The following RABGAP1L variants were observed in gnomAD, a reference collection of about 807,000 sequenced individuals.
The protein encoded by RABGAP1L is rab GTPase-activating protein 1-like.
A neutral mutation model predicts 137.7 loss-of-function variants in RABGAP1L; 63 were observed. That is an observed-to-expected ratio of 0.46 (90% CI 0.37 to 0.56). The LOEUF is 0.56. Ranked by LOEUF, RABGAP1L falls within the 20% of genes least tolerant of loss-of-function variation. RABGAP1L has a pLI of 0.00. For missense variants in RABGAP1L, 1,095 were observed against 1,244.0 expected, an observed-to-expected ratio of 0.88 and a Z score of 1.80; for synonymous variants, 431 against 433.7, an observed-to-expected ratio of 0.99 and a Z score of 0.08.
At chr1:174,614,429 C>G (rs139787392) in intron 13 of RABGAP1L, among the ~76,000 whole-genome samples, 138 of 152,276 alleles carry the variant, frequency 9.1e-4, no homozygotes, top group African/African-American at 2.6e-3. Flanking sequence ...GGCTTGTAGA[C>G]TTTCTGCCGA....
At chr1:174,262,548 C>T (rs1301710099) in intron 7 of RABGAP1L, among the ~76,000 whole-genome samples, 1 of 152,162 alleles carries the variant, frequency 6.6e-6, no homozygotes, top group Non-Finnish European at 1.5e-5. Context: ...CCTATGGTAA[C>T]ATCTTACATA....
intron 13 of RABGAP1L, among the ~76,000 whole-genome samples, chr1:174,528,733 T>C (rs1259582139): frequency 2.6e-5 from 4 of 152,030 alleles, no homozygotes; most frequent in Non-Finnish European, 5.9e-5. Flanking sequence ...GAGAGTCTCC[T>C]GTATCTGGAT....
At chr1:174,750,183 A>G (rs1045306732) in intron 17 of RABGAP1L, among the ~76,000 whole-genome samples, 2 of 152,172 alleles carry the variant, frequency 1.3e-5, no homozygotes, top group African/African-American at 4.8e-5. Context: ...GCTATCTGCT[A>G]TGTGATGCTA....
chr1:174,622,088 G>C (rs373930414), intron 13 of RABGAP1L, among the ~76,000 whole-genome samples: 3 of 152,008 alleles, frequency 2.0e-5, no homozygotes, highest in Non-Finnish European at 2.9e-5. Context: ...ATGCAGCCAA[G>C]AGACACATGA....
intron 1 of RABGAP1L, among the ~76,000 whole-genome samples, chr1:174,162,111 T>C (rs1366458580): frequency 6.6e-6 from 1 of 152,134 alleles, no homozygotes; most frequent in African/African-American, 2.4e-5. Flanking sequence ...AGAATTTTTG[T>C]TTCTTTGATA....
Position 174,933,036 on chromosome 1 carries a change from A to T in RABGAP1L, c.2341-24421A>T, listed in dbSNP as rs552790819. 5.3e-5 allele frequency among the ~76,000 whole-genome samples: 8 copies of T among 152,268 alleles called. No individual in the cohort carries two copies. In the South Asian group the frequency reaches 1.5e-3, roughly 28 times the overall value. ...TTTCTGGATATGTATTGTTGCTTCT[A>T]TATCTTCTCAGCAGACAGAACTAGG... On this transcript the variant is annotated intron_variant, in intron 19 of 25. Transcript: ENST00000681986.
Position 174,739,793 on chromosome 1 carries a change from A to G in RABGAP1L, c.2170-12520A>G, listed in dbSNP as rs535750543. Among the ~76,000 whole-genome samples, 27 of 152,360 alleles carry G rather than the reference A, an allele frequency of 1.8e-4. No homozygotes were observed. The South Asian group carries it at 5.2e-3, about 29-fold the overall frequency. On this transcript the variant is annotated intron_variant, in intron 17 of 25. Coordinates refer to ENST00000681986, the MANE Select transcript of RABGAP1L (RefSeq NM_001366446.1). Reference sequence around the variant, plus strand: ...AAATGGAGGTAATTAATAATGGCCTATATGCCGGATTAATATTTTTACAGT... The same window carrying G: ...AAATGGAGGTAATTAATAATGGCCTGTATGCCGGATTAATATTTTTACAGT...
chr1:174,368,904 T>A (rs1177069958), intron 11 of RABGAP1L, among the ~76,000 whole-genome samples: 1 of 152,210 alleles, frequency 6.6e-6, no homozygotes, highest in Non-Finnish European at 1.5e-5. Flanking sequence ...TTTATTATAA[T>A]CAAGATTTAT....
chr1:174,546,506 C>A (rs747451012), intron 13 of RABGAP1L, among the ~76,000 whole-genome samples: 10 of 152,144 alleles, frequency 6.6e-5, no homozygotes, highest in Non-Finnish European at 1.2e-4. Flanking sequence ...TTAGATAACA[C>A]CCAGTTCTGT....
At chr1:174,306,342 T>C (rs1220048872) in intron 11 of RABGAP1L, among the ~76,000 whole-genome samples, 1 of 152,226 alleles carries the variant, frequency 6.6e-6, no homozygotes, top group Non-Finnish European at 1.5e-5. Context: ...ATCACCACAC[T>C]GTCTTCCACA....
intron 11 of RABGAP1L, among the ~76,000 whole-genome samples, chr1:174,333,248 G>A (rs73038639): frequency 6.6e-6 from 1 of 152,088 alleles, no homozygotes; most frequent in Non-Finnish European, 1.5e-5. Context: ...CTGCTACTCC[G>A]TTTTACAGTG....
At chr1:174,598,461 G>C (rs945905578) in intron 13 of RABGAP1L, among the ~76,000 whole-genome samples, 8 of 151,762 alleles carry the variant, frequency 5.3e-5, no homozygotes, top group African/African-American at 1.9e-4. Context: ...TTTTTTTGTT[G>C]ATTTTTCAGT....
At chr1:174,669,692 C>T (rs932478695) in intron 14 of RABGAP1L, among the ~76,000 whole-genome samples, 1 of 152,188 alleles carries the variant, frequency 6.6e-6, no homozygotes, top group Non-Finnish European at 1.5e-5. Flanking sequence ...TATTATTCTG[C>T]ATGTGGATAT....
At chr1:174,178,729 G>T (rs1666100532) in intron 1 of RABGAP1L, among the ~76,000 whole-genome samples, 1 of 152,088 alleles carries the variant, frequency 6.6e-6, no homozygotes, top group Admixed American at 6.6e-5. Flanking sequence ...AACTAACAAA[G>T]GAACAGAAAA....
chr1:174,287,180 C>G (rs1016844025), intron 10 of RABGAP1L, among the ~76,000 whole-genome samples: 8 of 152,064 alleles, frequency 5.3e-5, no homozygotes, highest in African/African-American at 1.9e-4. Flanking sequence ...TTGCAGTTCT[C>G]TTAATACTTG....
chr1:174,355,556 A>G (rs1683560218), intron 11 of RABGAP1L, among the ~76,000 whole-genome samples: 1 of 151,964 alleles, frequency 6.6e-6, no homozygotes, highest in South Asian at 2.1e-4. Context: ...TGGCACATGT[A>G]TACATATGTA....
At chr1:174,216,202 A>C (rs550338625) in intron 1 of RABGAP1L, among the ~76,000 whole-genome samples, 1 of 152,288 alleles carries the variant, frequency 6.6e-6, no homozygotes, top group South Asian at 2.1e-4. Context: ...AGGTATGAAA[A>C]AATAATTAGA....
chr1:174,755,055 G>A (rs1243716421), intron 18 of RABGAP1L, among the ~76,000 whole-genome samples: 1 of 152,150 alleles, frequency 6.6e-6, no homozygotes, highest in Non-Finnish European at 1.5e-5. Flanking sequence ...GTTGATAATT[G>A]AGAGATCAAA....
At chr1:174,529,446 G>A (rs1223614221) in intron 13 of RABGAP1L, among the ~76,000 whole-genome samples, 1 of 152,158 alleles carries the variant, frequency 6.6e-6, no homozygotes, top group African/African-American at 2.4e-5. Flanking sequence ...TAGTGGCTTA[G>A]GGTGTAGTTA....
Sources: allele counts gnomAD v4.1 joint callset (sites outside exome capture counted in the v4.1 genomes callset), GRCh38; gene constraint gnomAD v4.1.1; transcripts MANE v1.5; gene names NCBI Gene and HGNC (gene_info 2026-07-23, HGNC 2026-07-21).